Variants in SLC9D1 observed in about 807,000 individuals in gnomAD.
SLC9D1 encodes the protein putative LAG1-interacting protein.
chr13:113,539,478 TC>T, the SLC9D1 span: 16 of 1,613,172 alleles, frequency 9.9e-6, no homozygotes. This position sits in a 1 kb window ranked among gnomAD's most constrained non-coding sequence, Gnocchi z 4.8. Flanking sequence ...ATCCGCGACT[TC>T]CTGGCCATCG....
At chr13:113,494,666 A>AT in the SLC9D1 span, among the ~76,000 whole-genome samples, 1 of 151,802 alleles carries the variant, frequency 6.6e-6, no homozygotes, top group African/African-American at 2.4e-5. Context: ...ATATATATAT[A>AT]TATATTTTTA....
chr13:113,541,174 G>C, the SLC9D1 span, among the ~76,000 whole-genome samples: 1 of 152,338 alleles, frequency 6.6e-6, no homozygotes, highest in South Asian at 2.1e-4. Context: ...TTTTCTTGGA[G>C]TTGCTTTGGC....
At chr13:113,544,567 T>C in the SLC9D1 span, among the ~76,000 whole-genome samples, 1 of 152,210 alleles carries the variant, frequency 6.6e-6, no homozygotes, top group Non-Finnish European at 1.5e-5. Context: ...GGGCTACTTA[T>C]TAGCTCGGGC....
the SLC9D1 span, chr13:113,496,067 A>G: frequency 7.4e-7 from 1 of 1,355,880 alleles, no homozygotes. Flanking sequence ...GGAGAGGGAG[A>G]GAGAGGTGAA....
chr13:113,523,306 G>C, the SLC9D1 span, among the ~76,000 whole-genome samples: 1 of 152,088 alleles, frequency 6.6e-6, no homozygotes, highest in Non-Finnish European at 1.5e-5. Context: ...CTTTTGGGGA[G>C]TTTTCTTACA....
the SLC9D1 span, chr13:113,520,781 G>A: frequency 1.4e-6 from 2 of 1,387,408 alleles, no homozygotes; most frequent in Admixed American, 1.7e-5. Flanking sequence ...AAAATCACTT[G>A]TGCATAAAAA....
the SLC9D1 span, among the ~76,000 whole-genome samples, chr13:113,521,661 A>G: frequency 6.6e-6 from 1 of 152,078 alleles, no homozygotes; most frequent in Non-Finnish European, 1.5e-5. Context: ...GTATTGCCAA[A>G]CGTAAACTGC....
chr13:113,503,451 T>G, the SLC9D1 span: 1 of 1,479,336 alleles, frequency 6.8e-7, no homozygotes, highest in Middle Eastern at 1.8e-4. Flanking sequence ...ATACTTAATA[T>G]GTTAAACATG....
At chr13:113,532,663 G>T in the SLC9D1 span, among the ~76,000 whole-genome samples, 158 of 152,052 alleles carry the variant, frequency 1.0e-3, no homozygotes, top group African/African-American at 3.7e-3. Context: ...AGTGCGGCAG[G>T]CCTGGTCTGC....
the SLC9D1 span, among the ~76,000 whole-genome samples, chr13:113,531,602 C>T: frequency 3.4e-5 from 5 of 149,022 alleles, no homozygotes; most frequent in Admixed American, 6.7e-5. Flanking sequence ...GAGCAGCACA[C>T]GCGTGTGGAC....
At chr13:113,494,410 G>T in the SLC9D1 span, among the ~76,000 whole-genome samples, 1 of 152,162 alleles carries the variant, frequency 6.6e-6, no homozygotes, top group East Asian at 1.9e-4. Flanking sequence ...CCTGCTTTCT[G>T]AACAGTGCTC....
At chr13:113,533,497 A>G in the SLC9D1 span, among the ~76,000 whole-genome samples, 1 of 152,212 alleles carries the variant, frequency 6.6e-6, no homozygotes, top group African/African-American at 2.4e-5. Flanking sequence ...AAGACGGCAG[A>G]TAGTGGATGT....
At chr13:113,511,659 C>T in the SLC9D1 span, 3 of 152,322 alleles carry the variant, frequency 2.0e-5, no homozygotes, top group African/African-American at 7.2e-5. Context: ...TAGGGTCAGC[C>T]CCATCGTGAG....
At chr13:113,523,193 CCTTT>C in the SLC9D1 span, among the ~76,000 whole-genome samples, 730 of 151,284 alleles carry the variant, frequency 4.8e-3, 2 homozygotes, top group Middle Eastern at 0.02. Flanking sequence ...GGGAAGTGTT[CCTTT>C]CTTTTTATTT....
chr13:113,536,156 T>G, the SLC9D1 span, among the ~76,000 whole-genome samples: 1 of 152,110 alleles, frequency 6.6e-6, no homozygotes, highest in Non-Finnish European at 1.5e-5. Context: ...GGTGGGTAGA[T>G]CTTCTGAGGT....
At chr13:113,548,587 A>G in the SLC9D1 span, 1 of 923,694 alleles carries the variant, frequency 1.1e-6, no homozygotes, top group South Asian at 1.8e-5. Context: ...GGGCACGCAG[A>G]GGCCTGGCTG....
the SLC9D1 span, among the ~76,000 whole-genome samples, chr13:113,496,755 G>T: frequency 1.3e-5 from 2 of 152,132 alleles, no homozygotes; most frequent in African/African-American, 4.8e-5. Context: ...TATATTTTGG[G>T]GGAGAGAAAT....
the SLC9D1 span, chr13:113,510,363 C>T: frequency 6.2e-7 from 1 of 1,614,072 alleles, no homozygotes; most frequent in Non-Finnish European, 8.5e-7. Flanking sequence ...CGTGTCTGTC[C>T]TTGTCAAGCA....
the SLC9D1 span, among the ~76,000 whole-genome samples, chr13:113,500,699 G>C: frequency 6.6e-6 from 1 of 152,208 alleles, no homozygotes; most frequent in Non-Finnish European, 1.5e-5. Flanking sequence ...CATGACAGGT[G>C]CAGCCCCTCA....
Sources: gnomAD v4.1 joint callset for allele counts (sites outside exome capture counted in the v4.1 genomes callset) on GRCh38, gnomAD v4.1.1 for gene constraint, Gnocchi (gnomAD v3.1) non-coding constraint, MANE v1.5 for transcripts, NCBI Gene and HGNC (gene_info 2026-07-23, HGNC 2026-07-21) for gene names.